VNN1: variants seen among roughly 807,000 people sequenced by gnomAD.
VNN1 encodes the protein pantetheinase.
In VNN1, 29 loss-of-function variants were observed where a neutral mutation model predicts 41.9. The ratio of observed to expected loss-of-function variants is 0.69; its 90% CI spans 0.52 to 0.94. The LOEUF (loss-of-function observed/expected upper bound fraction) is 0.94. Ranked by LOEUF, VNN1 falls within the 40% of genes least tolerant of loss-of-function variation. The pLI is 0.00. For synonymous variants in VNN1, 233 were observed against 224.4 expected, an observed-to-expected ratio of 1.04 and a Z score of -0.34; for missense variants, 637 against 621.1, an observed-to-expected ratio of 1.03 and a Z score of -0.27.
At chr6:132,692,120 G>A (rs1778295496) in intron 5 of VNN1, 103 bp downstream of exon 5, 2 of 1,283,512 alleles carry the variant, frequency 1.6e-6, no homozygotes, top group Non-Finnish European at 2.0e-6. Context: ...CCCCAAAAGT[G>A]TGATATGCTT....
chr6:132,689,278 CACACACAT>C (rs953337833), intron 5 of VNN1, among the ~76,000 whole-genome samples: 2 of 152,104 alleles, frequency 1.3e-5, no homozygotes, highest in South Asian at 2.1e-4. Flanking sequence ...GAAACACACA[CACACACAT>C]ACACACATAC....
intron 2 of VNN1, among the ~76,000 whole-genome samples, chr6:132,710,517 C>T (rs2114376415): frequency 6.6e-6 from 1 of 152,278 alleles, no homozygotes; most frequent in African/African-American, 2.4e-5. Flanking sequence ...TGCCATCCCT[C>T]CCTTAGCCCC....
chr6:132,698,409 G>A (rs528525270), intron 2 of VNN1, among the ~76,000 whole-genome samples: 1 of 152,166 alleles, frequency 6.6e-6, no homozygotes, highest in Non-Finnish European at 1.5e-5. Flanking sequence ...GGGCAACTGG[G>A]GGAAGAATAT....
At chr6:132,694,627 G>A (rs1244100668) in intron 2 of VNN1, among the ~76,000 whole-genome samples, 1 of 151,702 alleles carries the variant, frequency 6.6e-6, no homozygotes, top group Non-Finnish European at 1.5e-5. Context: ...GTCCAAGGAG[G>A]AAGGATTGCT....
chr6:132,684,818 G>C (rs914456448), intron 5 of VNN1, among the ~76,000 whole-genome samples: 1 of 151,792 alleles, frequency 6.6e-6, no homozygotes, highest in African/African-American at 2.4e-5. Context: ...TTCTTCATTA[G>C]AGTCATCCAG....
chr6:132,684,362 T>G lies in VNN1; in HGVS notation c.1332A>C (p.Glu444Asp). ...GAAATTCTCCAGGTGCAAGCTGATT[T>G]TCACTCAGCAACACCTCAGGAAAGA... is the stretch of plus-strand genomic sequence containing the variant. ...QYVFPEVLLS[E>D]NQLAPGEFQV... The change falls in exon 6 of 7, where the codon GAA becomes GAC. Residue 444 changes from glutamate to aspartate, a missense_variant. By Grantham distance (45) the Glu-to-Asp change is conservative. Coordinates refer to ENST00000367928, the MANE Select transcript of VNN1 (RefSeq NM_004666.3). The G allele has an allele frequency of 5.0e-6, 8 of 1,612,810 alleles. No homozygotes were observed. The highest frequency in any genetic ancestry group is 6.8e-6 in the Non-Finnish European group (8 of 1,179,274).
intron 3 of VNN1, 62 bp downstream of exon 3, chr6:132,693,928 C>T (rs1778330039): frequency 1.9e-6 from 3 of 1,568,408 alleles, no homozygotes; most frequent in Admixed American, 3.4e-5. Flanking sequence ...ACATATTTTT[C>T]TCCTTGCCCA....
chr6:132,681,428 C>A lies in VNN1; in HGVS notation c.*1712G>T, dbSNP rs762371675. Among the ~76,000 whole-genome samples the A allele has an allele frequency of 2.0e-5, 3 of 152,120 alleles. No individual in the cohort carries two copies. Among genetic ancestry groups the A allele is most frequent in the Non-Finnish European group, 4.4e-5 (3 of 68,012 alleles). On this transcript the variant is annotated 3_prime_UTR_variant, in exon 7 of 7. Transcript: ENST00000367928. Reference sequence around the variant, plus strand: ...ACTACAACTTTCCAAAGGCCCTGATCCAGAACAACTCCACTAAGCCAGTCC... The same window carrying A: ...ACTACAACTTTCCAAAGGCCCTGATACAGAACAACTCCACTAAGCCAGTCC...
At chr6:132,697,364 G>A (rs921242698) in intron 2 of VNN1, among the ~76,000 whole-genome samples, 7 of 152,120 alleles carry the variant, frequency 4.6e-5, no homozygotes, top group African/African-American at 1.7e-4. Context: ...TCATTAGGAA[G>A]CTGTTGCCAT....
At chr6:132,701,219 G>T (rs1778445306) in intron 2 of VNN1, among the ~76,000 whole-genome samples, 1 of 152,080 alleles carries the variant, frequency 6.6e-6, no homozygotes, top group African/African-American at 2.4e-5. Flanking sequence ...TAATTTAAAT[G>T]TTAAATTTTA....
chr6:132,696,878 T>C lies in VNN1; in HGVS notation c.342-2696A>G, dbSNP rs1342210396. ...TAGCACTTTGCAAGACTGAGGCCAG[T>C]GGAACACCTGAGGTCAGGAGATCGA... On this transcript the variant is annotated intron_variant, in intron 2 of 6. Transcript: ENST00000367928. 2.0e-5 allele frequency among the ~76,000 whole-genome samples: 3 copies of C among 151,858 alleles called. 1 individual carries two copies. The highest frequency in any genetic ancestry group is 1.3e-4 in the Admixed American group (2 of 15,242).
chr6:132,692,234 A>C lies in VNN1; in HGVS notation c.1177T>G (p.Tyr393Asp). The C allele has an allele frequency of 6.4e-7, 1 of 1,572,126 alleles. No homozygotes were observed. The highest frequency in any genetic ancestry group is 8.6e-7 in the Non-Finnish European group (1 of 1,160,480). Reference protein sequence around the residue: ...FDGLHTVEGRYYLQICTLLKC... With the variant: ...FDGLHTVEGRDYLQICTLLKC... ...CATCAAAATATTACCTGTAGATAAT[A>C]GCGCCCTTCCACAGTGTGCAGTCCG... Residue 393 changes from tyrosine to aspartate, a missense_variant, in exon 5 of 7, where the codon TAT becomes GAT. By Grantham distance (160) the Tyr-to-Asp change is radical. Coordinates refer to ENST00000367928, the MANE Select transcript of VNN1 (RefSeq NM_004666.3).
chr6:132,685,541 G>A (rs554121717), intron 5 of VNN1, among the ~76,000 whole-genome samples: 10 of 152,080 alleles, frequency 6.6e-5, no homozygotes, highest in African/African-American at 2.2e-4. Flanking sequence ...GAAAATAGGA[G>A]GATAGACCAC....
chr6:132,709,981 A>G (rs1358836473), intron 2 of VNN1, among the ~76,000 whole-genome samples: 1 of 152,176 alleles, frequency 6.6e-6, no homozygotes, highest in African/African-American at 2.4e-5. Context: ...ATGATAAATA[A>G]CACTGGAATT....
chr6:132,684,262 C>T (rs926825850), intron 6 of VNN1, 73 bp downstream of exon 6: 1 of 1,455,010 alleles, frequency 6.9e-7, no homozygotes, highest in Non-Finnish European at 9.3e-7. Context: ...TTTGTAAGCA[C>T]TTGAGCAGAT....
chr6:132,695,497 G>A (rs1386329118), intron 2 of VNN1, among the ~76,000 whole-genome samples: 1 of 152,072 alleles, frequency 6.6e-6, no homozygotes, highest in Non-Finnish European at 1.5e-5. Flanking sequence ...AAATATACGA[G>A]ATCTGCATTC....
At chr6:132,697,711 C>A (rs1047045803) in intron 2 of VNN1, among the ~76,000 whole-genome samples, 10 of 151,262 alleles carry the variant, frequency 6.6e-5, no homozygotes, top group African/African-American at 2.4e-4. Flanking sequence ...AAAGCCATAG[C>A]AATCATCTAT....
intron 2 of VNN1, among the ~76,000 whole-genome samples, chr6:132,700,354 G>T (rs768590989): frequency 6.6e-6 from 1 of 152,108 alleles, no homozygotes; most frequent in Non-Finnish European, 1.5e-5. Context: ...ACCCTCTAGA[G>T]CTCTGCCCCT....
chr6:132,706,309 C>T (rs1368782348), intron 2 of VNN1, among the ~76,000 whole-genome samples: 1 of 152,082 alleles, frequency 6.6e-6, no homozygotes, highest in Non-Finnish European at 1.5e-5. Flanking sequence ...AAAACAGACA[C>T]ATAGACCAAT....
Sources: allele counts gnomAD v4.1 joint callset (sites outside exome capture counted in the v4.1 genomes callset), GRCh38; gene constraint gnomAD v4.1.1; transcripts MANE v1.5; gene names NCBI Gene and HGNC (gene_info 2026-07-23, HGNC 2026-07-21).